TBC1D5: variants seen among roughly 807,000 people sequenced by gnomAD.
TBC1D5 encodes the protein TBC1 domain family, member 5.
A neutral mutation model predicts 100.3 loss-of-function variants in TBC1D5; 75 were observed. The observed-to-expected ratio is 0.75, with a 90% CI of 0.62 to 0.91. TBC1D5 has a LOEUF of 0.91. Ranked by LOEUF, TBC1D5 falls within the 40% of genes least tolerant of loss-of-function variation. TBC1D5 has a pLI of 0.00. For missense variants in TBC1D5, 910 were observed against 942.4 expected, an observed-to-expected ratio of 0.97 and a Z score of 0.45; for synonymous variants, 323 against 325.6, an observed-to-expected ratio of 0.99 and a Z score of 0.09.
chr3:17,258,067 T>G (rs943043813), intron 16 of TBC1D5, among the ~76,000 whole-genome samples: 9 of 152,154 alleles, frequency 5.9e-5, no homozygotes, highest in Non-Finnish European at 1.2e-4. Context: ...ATGTATGCAA[T>G]CACAAATGTA....
Position 17,685,276 on chromosome 3 carries a change from A to G in TBC1D5, c.-101+54067T>C, listed in dbSNP as rs138309859. Among the ~76,000 whole-genome samples the G allele has an allele frequency of 8.0e-3, 1,212 of 152,196 alleles. 21 individuals carry two copies. The highest frequency in any genetic ancestry group is 0.028 in the African/African-American group (1,162 of 41,564). ...TGATACTTTAATTTTCAAGAACCAC[A>G]AAGAAAAAAATCAAAACTAGTCAGT... On this transcript the variant is annotated intron_variant, in intron 1 of 21. Transcript: ENST00000253692.
chr3:17,668,072 T>C (rs1277035635), intron 1 of TBC1D5, among the ~76,000 whole-genome samples: 2 of 150,552 alleles, frequency 1.3e-5, no homozygotes, highest in Non-Finnish European at 3.0e-5. Context: ...ATTCTCCCTG[T>C]AATCTAATAA....
intron 1 of TBC1D5, among the ~76,000 whole-genome samples, chr3:17,640,429 G>C (rs1468243735): frequency 6.6e-6 from 1 of 151,908 alleles, no homozygotes; most frequent in Non-Finnish European, 1.5e-5. Flanking sequence ...GGGAATCTCA[G>C]ATTTGGCCAA....
intron 2 of TBC1D5, among the ~76,000 whole-genome samples, chr3:17,601,903 C>T (rs2060978332): frequency 6.6e-6 from 1 of 152,084 alleles, no homozygotes; most frequent in Non-Finnish European, 1.5e-5. Flanking sequence ...GATCTCGGCT[C>T]ACTGCAAGCT....
intron 1 of TBC1D5, among the ~76,000 whole-genome samples, chr3:17,733,334 G>T (rs2076712908): frequency 6.6e-6 from 1 of 152,194 alleles, no homozygotes; most frequent in African/African-American, 2.4e-5. Flanking sequence ...AGCTTGATGA[G>T]TAAACTCACC....
At chr3:17,318,464 A>C (rs917721890) in intron 13 of TBC1D5, among the ~76,000 whole-genome samples, 2 of 152,206 alleles carry the variant, frequency 1.3e-5, no homozygotes, top group Admixed American at 1.3e-4. Flanking sequence ...TGTGGAATAC[A>C]TGCATTAGAA....
chr3:17,310,897 G>T (rs1387282747), intron 13 of TBC1D5, among the ~76,000 whole-genome samples: 1 of 151,824 alleles, frequency 6.6e-6, no homozygotes, highest in Non-Finnish European at 1.5e-5. Context: ...AATGCTTTGG[G>T]ACCAACGATG....
At chr3:17,501,811 C>A (rs2095790872) in intron 3 of TBC1D5, among the ~76,000 whole-genome samples, 1 of 149,418 alleles carries the variant, frequency 6.7e-6, no homozygotes, top group South Asian at 2.1e-4. Flanking sequence ...CATTTACAAG[C>A]TGGAATCACC....
chr3:17,357,200 TAA>T (rs2091297032), intron 13 of TBC1D5, among the ~76,000 whole-genome samples: 1 of 152,080 alleles, frequency 6.6e-6, no homozygotes, highest in Non-Finnish European at 1.5e-5. Context: ...TGAAAAAGAA[TAA>T]AAGACTGCAC....
intron 1 of TBC1D5, among the ~76,000 whole-genome samples, chr3:17,687,427 T>C (rs7617683): frequency 0.52 from 78,459 of 151,956 alleles, 22,004 homozygotes; most frequent in East Asian, 0.98. Flanking sequence ...TAAATAATAG[T>C]ATACTTTGTC....
upstream of TBC1D5, among the ~76,000 whole-genome samples, chr3:17,742,327 GC>G (rs2077538797): frequency 1.3e-5 from 2 of 152,222 alleles, no homozygotes. Context: ...GGCGGCTGCG[GC>G]TGCAGCAGCG....
At chr3:17,636,946 T>C (rs961585773) in intron 1 of TBC1D5, among the ~76,000 whole-genome samples, 1 of 152,138 alleles carries the variant, frequency 6.6e-6, no homozygotes, top group Admixed American at 6.5e-5. Context: ...TAGGGTTAAC[T>C]AGATCTCTCC....
intron 1 of TBC1D5, among the ~76,000 whole-genome samples, chr3:17,678,786 A>G (rs1400426656): frequency 2.0e-5 from 3 of 151,062 alleles, no homozygotes; most frequent in Admixed American, 2.0e-4. Flanking sequence ...AATAAAACCC[A>G]TTCTAAGACA....
At chr3:17,626,591 G>C (rs1054928583) in intron 1 of TBC1D5, among the ~76,000 whole-genome samples, 4 of 152,110 alleles carry the variant, frequency 2.6e-5, no homozygotes, top group Non-Finnish European at 4.4e-5. Flanking sequence ...AGCAAAACAG[G>C]AATTCAGAAG....
chr3:17,406,332 T>A (rs1303752184), intron 5 of TBC1D5, 86 bp downstream of exon 5: 2 of 1,166,870 alleles, frequency 1.7e-6, no homozygotes, highest in African/African-American at 1.6e-5. Context: ...AATTCAGTGA[T>A]CCCCTGCATG....
At chr3:17,662,995 C>G (rs991504272) in intron 1 of TBC1D5, 1 of 152,032 alleles carries the variant, frequency 6.6e-6, no homozygotes, top group African/African-American at 2.4e-5. Context: ...TGTACCAGAC[C>G]AGTATCTTCA....
At chr3:17,549,109 C>T (rs2096448330) in intron 2 of TBC1D5, among the ~76,000 whole-genome samples, 2 of 152,062 alleles carry the variant, frequency 1.3e-5, no homozygotes, top group African/African-American at 4.8e-5. Flanking sequence ...ACCAGCCTGA[C>T]CAACATGGTG....
At chr3:17,479,955 A>T (rs2095482453) in intron 3 of TBC1D5, among the ~76,000 whole-genome samples, 1 of 152,160 alleles carries the variant, frequency 6.6e-6, no homozygotes, top group South Asian at 2.1e-4. Context: ...AGACCAAGGA[A>T]TCCCTGTGCT....
At chr3:17,463,973 C>T (rs1186878645) in intron 3 of TBC1D5, among the ~76,000 whole-genome samples, 5 of 81,988 alleles carry the variant, frequency 6.1e-5, no homozygotes, top group Admixed American at 3.3e-4. Context: ...TTTTTTGAGA[C>T]GGTGTTTTGC....
Sources: gnomAD v4.1 joint callset for allele counts (sites outside exome capture counted in the v4.1 genomes callset) on GRCh38, gnomAD v4.1.1 for gene constraint, MANE v1.5 for transcripts, NCBI Gene and HGNC (gene_info 2026-07-23, HGNC 2026-07-21) for gene names.